The following ATP8A2 variants were observed in gnomAD, a reference collection of about 807,000 sequenced individuals.
ATP8A2 encodes ATPase phospholipid transporting 8A2.
In ATP8A2, 100 loss-of-function variants were observed where a neutral mutation model predicts 165.6. That is an observed-to-expected ratio of 0.60 (90% CI 0.51 to 0.71). The LOEUF is 0.71. Ranked by LOEUF, ATP8A2 falls within the 30% of genes least tolerant of loss-of-function variation. The pLI is 0.00. For synonymous variants in ATP8A2, 543 were observed against 548.8 expected (o/e 0.99, Z 0.15); for missense variants, 1,227 against 1,479.5 (o/e 0.83, Z 2.80).
At chr13:25,505,653 G>A (rs913395631) in intron 2 of ATP8A2, among the ~76,000 whole-genome samples, 4 of 152,028 alleles carry the variant, frequency 2.6e-5, no homozygotes, top group Non-Finnish European at 4.4e-5. Flanking sequence ...TCCCTGTTTC[G>A]CTCCGCAGGT....
intron 24 of ATP8A2, chr13:25,591,455 G>A (rs1405125335): frequency 4.6e-6 from 2 of 438,838 alleles, no homozygotes; most frequent in East Asian, 7.0e-5. Context: ...ATGTCTTCAA[G>A]GTTCATCCAT....
chr13:25,625,392 C>A (rs145472065), intron 24 of ATP8A2, among the ~76,000 whole-genome samples: 235 of 152,312 alleles, frequency 1.5e-3, no homozygotes, highest in African/African-American at 4.9e-3. Context: ...TTCCACACAA[C>A]GTGAAGTAAT....
intron 33 of ATP8A2, among the ~76,000 whole-genome samples, chr13:25,925,729 TC>T (rs1176745038): frequency 1.6e-5 from 1 of 62,992 alleles, no homozygotes; most frequent in Non-Finnish European, 3.2e-5. Context: ...AAGTTGTCAA[TC>T]TTTTTTTTTT....
intron 1 of ATP8A2, among the ~76,000 whole-genome samples, chr13:25,446,539 G>C (rs907017974): frequency 7.5e-6 from 1 of 133,518 alleles, no homozygotes; most frequent in Non-Finnish European, 1.7e-5. Context: ...AACCACGCCC[G>C]CAGTACATTG....
chr13:26,022,977 C>T lies in ATP8A2; in HGVS notation c.*2992C>T, dbSNP rs1395276268. On this transcript the variant is annotated 3_prime_UTR_variant, in exon 37 of 37. Transcript: ENST00000381655. Reference sequence around the variant, plus strand: ...GTTGAGTCTCTCTTCTCCTGGATGACCCTGCAAAAGGAAGAGACCAGTTGT... The same window carrying T: ...GTTGAGTCTCTCTTCTCCTGGATGATCCTGCAAAAGGAAGAGACCAGTTGT... 2.6e-5 allele frequency: 4 copies of T among 152,298 alleles called. No homozygotes were observed. The highest frequency in any genetic ancestry group is 2.0e-4 in the Admixed American group (3 of 15,292). The allele number at this position is 152,298 out of a possible 1,614,324, so 9.4% of individuals were successfully genotyped here. A position where few individuals can be genotyped will look rare whatever the true frequency, so the allele number is the denominator to read the frequency against.
At chr13:25,907,969 CCTGTT>C (rs1428059908) in intron 33 of ATP8A2, among the ~76,000 whole-genome samples, 1 of 152,088 alleles carries the variant, frequency 6.6e-6, no homozygotes, top group Admixed American at 6.6e-5. Context: ...GTTAAACTGT[CCTGTT>C]GGATTGCTTG....
chr13:25,848,868 C>A (rs1382952510), intron 30 of ATP8A2, among the ~76,000 whole-genome samples: 2 of 152,168 alleles, frequency 1.3e-5, no homozygotes, highest in African/African-American at 4.8e-5. Context: ...ATAGGCATAG[C>A]AGGTTAACTT....
At chr13:25,857,607 T>G (rs1466066706) in intron 30 of ATP8A2, among the ~76,000 whole-genome samples, 1 of 134,244 alleles carries the variant, frequency 7.4e-6, no homozygotes, top group African/African-American at 2.8e-5. Flanking sequence ...AGAGTCTCAC[T>G]CTGTTGCCCA....
At chr13:25,978,163 A>C (rs953701266) in intron 35 of ATP8A2, among the ~76,000 whole-genome samples, 5 of 152,146 alleles carry the variant, frequency 3.3e-5, no homozygotes, top group African/African-American at 1.2e-4. Flanking sequence ...TATTTAACCC[A>C]CTTGAGCAGC....
chr13:25,584,875 T>C (rs894442586), intron 23 of ATP8A2, among the ~76,000 whole-genome samples: 1 of 152,246 alleles, frequency 6.6e-6, no homozygotes, highest in African/African-American at 2.4e-5. Flanking sequence ...CTTTTAATTG[T>C]CAGCATTATC....
intron 28 of ATP8A2, among the ~76,000 whole-genome samples, chr13:25,828,957 G>A (rs1951385859): frequency 6.6e-6 from 1 of 152,056 alleles, no homozygotes; most frequent in Admixed American, 6.6e-5. Flanking sequence ...TCTGCTCCGT[G>A]GGAATTTACA....
At chr13:25,573,637 G>T (rs138930121) in intron 18 of ATP8A2, among the ~76,000 whole-genome samples, 1 of 152,038 alleles carries the variant, frequency 6.6e-6, no homozygotes, top group African/African-American at 2.4e-5. Flanking sequence ...CACATCCATG[G>T]GCTGCATGTG....
chr13:25,635,433 G>A (rs1216999045), intron 24 of ATP8A2, among the ~76,000 whole-genome samples: 1 of 152,178 alleles, frequency 6.6e-6, no homozygotes, highest in Non-Finnish European at 1.5e-5. Context: ...TTGTGGCTGA[G>A]ATCGAGGATG....
intron 33 of ATP8A2, among the ~76,000 whole-genome samples, chr13:25,902,619 G>A (rs1332629896): frequency 5.3e-5 from 8 of 150,192 alleles, no homozygotes; most frequent in South Asian, 2.1e-4. Context: ...CATTCTGCGT[G>A]TGTGTATGCA....
At chr13:25,811,381 A>T (rs1445924699) in intron 27 of ATP8A2, among the ~76,000 whole-genome samples, 1 of 152,210 alleles carries the variant, frequency 6.6e-6, no homozygotes, top group Non-Finnish European at 1.5e-5. Context: ...TCAAATTTTA[A>T]ATCAAAATAA....
chr13:25,375,755 T>C (rs1566088153), intron 1 of ATP8A2, among the ~76,000 whole-genome samples: 1 of 152,004 alleles, frequency 6.6e-6, no homozygotes, highest in Non-Finnish European at 1.5e-5. Flanking sequence ...GTATTTTTAG[T>C]AGATACGGGG....
chr13:25,606,294 G>C (rs186681908), intron 24 of ATP8A2, among the ~76,000 whole-genome samples: 40 of 152,312 alleles, frequency 2.6e-4, no homozygotes, highest in African/African-American at 9.4e-4. Flanking sequence ...ACCATGAAAG[G>C]TAGTAGCTGT....
At chr13:25,888,068 A>ACCCCCCCCCCCCCCC (rs71080210) in intron 33 of ATP8A2, among the ~76,000 whole-genome samples, 3 of 105,580 alleles carry the variant, frequency 2.8e-5, no homozygotes, top group Non-Finnish European at 3.9e-5. Context: ...AAGAACCCAG[A>ACCCCCCCCCCCCCCC]CCCCCCCCCC....
chr13:25,893,900 T>A (rs1397089431), intron 33 of ATP8A2, among the ~76,000 whole-genome samples: 3 of 152,190 alleles, frequency 2.0e-5, no homozygotes, highest in Non-Finnish European at 4.4e-5. Flanking sequence ...ATGGGGTTGT[T>A]TGTTCTTTTC....
Sources: gnomAD v4.1 joint callset for allele counts (sites outside exome capture counted in the v4.1 genomes callset) on GRCh38, gnomAD v4.1.1 for gene constraint, MANE v1.5 for transcripts, NCBI Gene and HGNC (gene_info 2026-07-23, HGNC 2026-07-21) for gene names.